EML4: variants seen among roughly 807,000 people sequenced by gnomAD.
The protein encoded by EML4 is EMAP like 4, also known as echinoderm microtubule-associated protein-like 4.
Under a neutral mutation model 129.0 loss-of-function variants are expected in EML4, and 72 were observed. That is an observed-to-expected ratio of 0.56 (90% CI 0.46 to 0.68). The LOEUF (loss-of-function observed/expected upper bound fraction) is 0.68. Among genes scored for constraint, EML4 ranks in the 30% least tolerant of loss-of-function variants. The pLI is 0.00. For missense variants in EML4, 1,363 were observed against 1,190.6 expected, an observed-to-expected ratio of 1.14 and a Z score of -2.13; for synonymous variants, 532 against 405.0, an observed-to-expected ratio of 1.31 and a Z score of -3.77.
chr2:42,184,398 C>T (rs774615755), intron 1 of EML4, among the ~76,000 whole-genome samples: 3 of 118,612 alleles, frequency 2.5e-5, no homozygotes, highest in Non-Finnish European at 4.9e-5. Flanking sequence ...CCCCACCCCA[C>T]AACAGGCCCC....
At chr2:42,234,638 C>T (rs183430818) in intron 1 of EML4, among the ~76,000 whole-genome samples, 1 of 152,146 alleles carries the variant, frequency 6.6e-6, no homozygotes, top group Non-Finnish European at 1.5e-5. Context: ...GTATAAAGTA[C>T]TTAAAACTAC....
chr2:42,225,856 G>T (rs1673926208), intron 1 of EML4, among the ~76,000 whole-genome samples: 1 of 152,074 alleles, frequency 6.6e-6, no homozygotes. Context: ...TTAAAAACTT[G>T]TTTTTTGAAG....
intron 2 of EML4, among the ~76,000 whole-genome samples, chr2:42,251,463 A>T (rs1391980347): frequency 6.6e-6 from 1 of 152,180 alleles, no homozygotes; most frequent in Non-Finnish European, 1.5e-5. Flanking sequence ...CTCAAAATAT[A>T]CTTTTAAGTA....
chr2:42,213,077 G>T (rs1264664918), intron 1 of EML4, among the ~76,000 whole-genome samples: 1 of 152,160 alleles, frequency 6.6e-6, no homozygotes, highest in African/African-American at 2.4e-5. Context: ...GAATAACTCT[G>T]CTTCAGTTGT....
At chr2:42,313,954 A>T (rs1434227115) in intron 17 of EML4, among the ~76,000 whole-genome samples, 2 of 151,392 alleles carry the variant, frequency 1.3e-5, no homozygotes, top group African/African-American at 4.9e-5. Context: ...AAAAAAGCCT[A>T]CCATCACGAT....
chr2:42,325,567 G>C lies in EML4; in HGVS notation c.2242+13G>C, dbSNP rs775345752. 4.9e-6 allele frequency: 3 copies of C among 608,826 alleles called. No individual in the cohort carries two copies. The highest frequency in any genetic ancestry group is 8.0e-6 in the Non-Finnish European group (3 of 374,750). 37.7% of individuals were successfully genotyped at this position (608,826 alleles called of 1,614,324 possible). On this transcript the variant is annotated intron_variant, in intron 20 of 22. Transcript: ENST00000318522. Reference sequence around the variant, plus strand: ...GAAATATTGTACTGTAAGTATGAATGATTTTATATATATATATATATGCTA... The same window carrying C: ...GAAATATTGTACTGTAAGTATGAATCATTTTATATATATATATATATGCTA...
intron 17 of EML4, among the ~76,000 whole-genome samples, chr2:42,314,487 A>G (rs1669128222): frequency 6.6e-6 from 1 of 152,262 alleles, no homozygotes; most frequent in African/African-American, 2.4e-5. Context: ...TAAGAGAAAC[A>G]GAATTTATAT....
At chr2:42,290,966 G>T (rs1270441052) in intron 11 of EML4, among the ~76,000 whole-genome samples, 1 of 152,004 alleles carries the variant, frequency 6.6e-6, no homozygotes, top group Non-Finnish European at 1.5e-5. Flanking sequence ...ATAGGGAATA[G>T]CCACAATTGT....
intron 2 of EML4, among the ~76,000 whole-genome samples, chr2:42,251,062 T>C (rs1675736670): frequency 2.0e-5 from 3 of 152,160 alleles, no homozygotes; most frequent in Non-Finnish European, 4.4e-5. Flanking sequence ...ATGCAAGTGA[T>C]AGGAAGTGGT....
At chr2:42,222,235 T>G (rs1253568648) in intron 1 of EML4, among the ~76,000 whole-genome samples, 3 of 152,140 alleles carry the variant, frequency 2.0e-5, no homozygotes, top group Non-Finnish European at 4.4e-5. Context: ...ATTTGCTTAT[T>G]TTAACAAATT....
intron 21 of EML4, among the ~76,000 whole-genome samples, chr2:42,328,443 G>A (rs1669926254): frequency 6.6e-6 from 1 of 152,186 alleles, no homozygotes; most frequent in Admixed American, 6.5e-5. Context: ...AGGTTTTCTT[G>A]GAGGTGCTTG....
intron 1 of EML4, among the ~76,000 whole-genome samples, chr2:42,189,646 TAGAAC>T (rs1265574798): frequency 6.6e-6 from 1 of 152,196 alleles, no homozygotes; most frequent in Non-Finnish European, 1.5e-5. Flanking sequence ...TCTTAGGAAT[TAGAAC>T]AGACATTAAT....
At chr2:42,219,703 A>G (rs912688658) in intron 1 of EML4, among the ~76,000 whole-genome samples, 1 of 152,044 alleles carries the variant, frequency 6.6e-6, no homozygotes, top group African/African-American at 2.4e-5. Flanking sequence ...AGATTACTTG[A>G]CATCAGGACT....
rs779124951 is a variant in EML4, at chr2:42,243,503, A to G, written c.26-2002A>G. 1.3e-4 allele frequency among the ~76,000 whole-genome samples: 20 copies of G among 152,356 alleles called. No homozygotes were observed. In the Middle Eastern group the frequency reaches 0.014, roughly 104 times the overall value. On this transcript the variant is annotated intron_variant, in intron 1 of 22. Transcript: ENST00000318522. ...ATTGTAACTTTTGTACTTTGTACAT[A>G]TCCTAGGCACACCCTCCTTAAAACA...
intron 19 of EML4, among the ~76,000 whole-genome samples, chr2:42,324,165 C>T (rs1669669142): frequency 6.6e-6 from 1 of 151,938 alleles, no homozygotes. Flanking sequence ...GATGGTGGTG[C>T]ACACCTGTAT....
At chr2:42,236,034 C>A (rs1211435850) in intron 1 of EML4, among the ~76,000 whole-genome samples, 1 of 152,124 alleles carries the variant, frequency 6.6e-6, no homozygotes, top group Non-Finnish European at 1.5e-5. Context: ...CGTAGATGTT[C>A]CATTATGTGT....
chr2:42,266,326 G>A (rs1666063781), intron 6 of EML4, among the ~76,000 whole-genome samples: 1 of 152,132 alleles, frequency 6.6e-6, no homozygotes, highest in Non-Finnish European at 1.5e-5. Context: ...TTTTATTTAT[G>A]AAGATAATTC....
At chr2:42,174,218 A>T (rs552725722) in intron 1 of EML4, among the ~76,000 whole-genome samples, 1 of 152,334 alleles carries the variant, frequency 6.6e-6, no homozygotes, top group East Asian at 1.9e-4. Context: ...TAATACTTGT[A>T]AAAAGTTTAG....
chr2:42,252,894 T>C (rs2104339914), intron 2 of EML4, among the ~76,000 whole-genome samples: 1 of 152,318 alleles, frequency 6.6e-6, no homozygotes, highest in Middle Eastern at 3.4e-3. Flanking sequence ...TTGATATCTC[T>C]CTGTTACTGT....
Sources: gnomAD v4.1 joint callset for allele counts (sites outside exome capture counted in the v4.1 genomes callset) on GRCh38, gnomAD v4.1.1 for gene constraint, MANE v1.5 for transcripts, NCBI Gene and HGNC (gene_info 2026-07-23, HGNC 2026-07-21) for gene names.